The following ZNF705G variants were observed in gnomAD, a reference collection of about 807,000 sequenced individuals.
ZNF705G encodes the protein zinc finger protein 705G.
In ZNF705G, 23 loss-of-function variants were observed where a neutral mutation model predicts 19.6. That is an observed-to-expected ratio of 1.17 (90% CI 0.84 to 1.66). The LOEUF is 1.66. Ranked by LOEUF, ZNF705G falls within the 40% of genes most tolerant of loss-of-function variation. The probability of loss-of-function intolerance (pLI) is 0.00; values close to 1 mark genes in which losing one functional copy is unlikely to be tolerated. For synonymous variants in ZNF705G, 146 were observed against 117.7 expected (o/e 1.24, Z -1.56); for missense variants, 457 against 354.4 (o/e 1.29, Z -2.32).
At chr8:7,379,479 T>A (rs1394811433) in intron 2 of ZNF705G, among the ~76,000 whole-genome samples, 3 of 146,208 alleles carry the variant, frequency 2.1e-5, no homozygotes, top group Admixed American at 1.3e-4. Context: ...CCAGGCACTG[T>A]GTCCTCCCAA....
At chr8:7,382,264 G>A (rs1396773395) in intron 1 of ZNF705G, among the ~76,000 whole-genome samples, 1 of 148,550 alleles carries the variant, frequency 6.7e-6, no homozygotes, top group Non-Finnish European at 1.5e-5. Context: ...TCAAATTATG[G>A]CATGGCTGTA....
intron 2 of ZNF705G, among the ~76,000 whole-genome samples, chr8:7,369,556 C>T (rs561827835): frequency 6.7e-6 from 1 of 149,394 alleles, no homozygotes; most frequent in East Asian, 1.9e-4. Flanking sequence ...CCCTTGTATC[C>T]AAAAGAAAAT....
intron 6 of ZNF705G, 108 bp downstream of exon 6, chr8:7,359,511 C>T: frequency 2.0e-6 from 3 of 1,530,786 alleles, no homozygotes; most frequent in Non-Finnish European, 2.6e-6. Flanking sequence ...GCTTAGAAAA[C>T]ACTTAATGCC....
At chr8:7,360,052 G>T (rs1226262331) in intron 5 of ZNF705G, among the ~76,000 whole-genome samples, 185 bp downstream of exon 5, 2 of 149,324 alleles carry the variant, frequency 1.3e-5, no homozygotes, top group Non-Finnish European at 2.9e-5. Flanking sequence ...AAAAAAAGAG[G>T]ACACAAGAGT....
At chr8:7,382,038 C>G (rs1213447136) in intron 1 of ZNF705G, among the ~76,000 whole-genome samples, 2 of 152,164 alleles carry the variant, frequency 1.3e-5, no homozygotes, top group Non-Finnish European at 2.9e-5. Context: ...GCTAAGCACA[C>G]AAGGGCGTGA....
intron 2 of ZNF705G, among the ~76,000 whole-genome samples, chr8:7,365,047 G>C (rs1806794477): frequency 6.7e-6 from 1 of 149,388 alleles, no homozygotes; most frequent in Admixed American, 6.6e-5. Context: ...TCATTTAACT[G>C]GTCATATACA....
intron 2 of ZNF705G, among the ~76,000 whole-genome samples, chr8:7,377,972 A>C: frequency 7.2e-6 from 1 of 139,190 alleles, no homozygotes; most frequent in Non-Finnish European, 1.5e-5. Flanking sequence ...AAAAAAAAAA[A>C]AAAAAAGTTT....
chr8:7,356,502 T>G lies in ZNF705G; in HGVS notation c.*1474A>C, dbSNP rs1343117844. ...CGGACACCCAAATGCATATACAAGGTGTCTTTGATACAGCCTCCATTTCCC... is the reference window on the plus strand; with the variant it reads ...CGGACACCCAAATGCATATACAAGGGGTCTTTGATACAGCCTCCATTTCCC... On this transcript the variant is annotated 3_prime_UTR_variant, in exon 7 of 7. Coordinates refer to ENST00000400156, the MANE Select transcript of ZNF705G (RefSeq NM_001164457.3). 3 of 149,816 alleles carry G rather than the reference T, an allele frequency of 2.0e-5. No individual in the cohort carries two copies. The highest frequency in any genetic ancestry group is 6.6e-5 in the Admixed American group (1 of 15,232). 9.3% of individuals were successfully genotyped at this position (149,816 alleles called of 1,614,324 possible).
At position 7,385,207 on chromosome 8, in the gene ZNF705G, G is replaced by T. The variant is rs1051896934; in HGVS notation, c.-222+291C>A. Among the ~76,000 whole-genome samples, 19 of 148,244 alleles carry T rather than the reference G, an allele frequency of 1.3e-4. 2 individuals carry two copies. The highest frequency in any genetic ancestry group is 3.7e-4 in the African/African-American group (14 of 37,746). On this transcript the variant is annotated intron_variant, in intron 1 of 6. Transcript: ENST00000400156. ...GGTCATGGTGGGCCAAGTGGGTAAA[G>T]GTCAGTGCTCCTTAATCACTTCCCA... is the stretch of plus-strand genomic sequence containing the variant.
At chr8:7,383,844 A>G (rs1807614545) in intron 1 of ZNF705G, among the ~76,000 whole-genome samples, 1 of 146,568 alleles carries the variant, frequency 6.8e-6, no homozygotes, top group Non-Finnish European at 1.5e-5. Context: ...TGTGAGAAGT[A>G]AACTTCTGCT....
intron 2 of ZNF705G, among the ~76,000 whole-genome samples, chr8:7,364,902 T>C (rs559070281): frequency 1.3e-5 from 2 of 149,642 alleles, no homozygotes; most frequent in East Asian, 3.9e-4. Context: ...TATTAGAGAA[T>C]GCCTACAAAG....
chr8:7,382,691 T>A (rs1807548231), intron 1 of ZNF705G, among the ~76,000 whole-genome samples: 1 of 146,654 alleles, frequency 6.8e-6, no homozygotes, highest in Non-Finnish European at 1.5e-5. Context: ...TCCACACATC[T>A]ATGGATTAAA....
intron 3 of ZNF705G, among the ~76,000 whole-genome samples, chr8:7,361,755 C>T (rs1305459925): frequency 6.7e-6 from 1 of 149,290 alleles, no homozygotes; most frequent in Non-Finnish European, 1.5e-5. Context: ...AACGTGTTTC[C>T]TATCTAGCAA....
intron 1 of ZNF705G, among the ~76,000 whole-genome samples, chr8:7,383,780 T>C (rs1030448779): frequency 2.7e-5 from 4 of 148,034 alleles, no homozygotes; most frequent in African/African-American, 1.1e-4. Context: ...GGAAGCGAGC[T>C]CTCTCCAGAC....
chr8:7,370,351 A>C (rs1231211180), intron 2 of ZNF705G, among the ~76,000 whole-genome samples: 14 of 149,408 alleles, frequency 9.4e-5, no homozygotes, highest in Admixed American at 3.3e-4. Flanking sequence ...ATATGAAAAA[A>C]ATTCTTACCA....
intron 2 of ZNF705G, among the ~76,000 whole-genome samples, chr8:7,379,678 G>A (rs1325766674): frequency 6.8e-6 from 1 of 147,210 alleles, no homozygotes; most frequent in Non-Finnish European, 1.5e-5. Context: ...AAAAAAGAGA[G>A]CCCCAGTGGT....
chr8:7,383,298 T>C (rs1359789998), intron 1 of ZNF705G, among the ~76,000 whole-genome samples: 1 of 147,498 alleles, frequency 6.8e-6, no homozygotes, highest in East Asian at 1.9e-4. Context: ...CAGCAGAAAG[T>C]ATACACGGTA....
intron 2 of ZNF705G, among the ~76,000 whole-genome samples, chr8:7,379,955 C>G (rs1302409064): frequency 2.8e-5 from 4 of 142,192 alleles, no homozygotes; most frequent in East Asian, 2.0e-4. Context: ...CCCTCAGTGA[C>G]ATTCCCTCAT....
chr8:7,380,915 G>C (rs1473436510), intron 2 of ZNF705G, among the ~76,000 whole-genome samples: 1 of 137,852 alleles, frequency 7.3e-6, no homozygotes, highest in Non-Finnish European at 1.5e-5. Flanking sequence ...TACTCTGGAG[G>C]CTGAGGCAGG....
Sources: allele counts gnomAD v4.1 joint callset (sites outside exome capture counted in the v4.1 genomes callset), GRCh38; gene constraint gnomAD v4.1.1; transcripts MANE v1.5; gene names NCBI Gene and HGNC (gene_info 2026-07-23, HGNC 2026-07-21).